Variants in KIAA1328 observed in about 807,000 individuals in gnomAD.
The protein encoded by KIAA1328 is KIAA1328, also known as protein hinderin.
A neutral mutation model predicts 68.1 loss-of-function variants in KIAA1328; 52 were observed. That is an observed-to-expected ratio of 0.76 (90% CI 0.61 to 0.96). The LOEUF is 0.96. Ranked by LOEUF, KIAA1328 falls within the 40% of genes least tolerant of loss-of-function variation. The pLI is 0.00. For synonymous variants in KIAA1328, 232 were observed against 239.4 expected, an observed-to-expected ratio of 0.97 and a Z score of 0.28; for missense variants, 641 against 677.6, an observed-to-expected ratio of 0.95 and a Z score of 0.60.
At chr18:36,916,409 G>T (rs368790342) in intron 5 of KIAA1328, among the ~76,000 whole-genome samples, 2 of 151,668 alleles carry the variant, frequency 1.3e-5, no homozygotes, top group African/African-American at 2.4e-5. Context: ...TGAATTTTTC[G>T]ATTTAAAAGT....
intron 6 of KIAA1328, among the ~76,000 whole-genome samples, chr18:36,987,510 A>AAT (rs142772845): frequency 2.5e-4 from 38 of 149,104 alleles, no homozygotes; most frequent in African/African-American, 8.4e-4. Context: ...AAATAAATAA[A>AAT]AATAAAAAAA....
intron 7 of KIAA1328, among the ~76,000 whole-genome samples, chr18:37,093,359 C>T (rs1031046426): frequency 6.6e-6 from 1 of 152,038 alleles, no homozygotes; most frequent in African/African-American, 2.4e-5. Flanking sequence ...TAAAGGTACT[C>T]AATGAGATAC....
At chr18:37,184,418 G>A (rs2059755932) in intron 9 of KIAA1328, among the ~76,000 whole-genome samples, 1 of 152,180 alleles carries the variant, frequency 6.6e-6, no homozygotes, top group Admixed American at 6.5e-5. Flanking sequence ...TATCAATGAG[G>A]ATATCAGATA....
intron 9 of KIAA1328, among the ~76,000 whole-genome samples, chr18:37,206,557 T>A (rs2060219531): frequency 6.6e-6 from 1 of 152,204 alleles, no homozygotes; most frequent in Admixed American, 6.5e-5. Context: ...AGGCATTTTG[T>A]AATAGAAGCG....
chr18:37,116,601 G>A (rs1262622051), intron 7 of KIAA1328, among the ~76,000 whole-genome samples: 1 of 152,190 alleles, frequency 6.6e-6, no homozygotes, highest in Non-Finnish European at 1.5e-5. Context: ...ATAGGCATGG[G>A]CAAGGACTTT....
intron 4 of KIAA1328, among the ~76,000 whole-genome samples, chr18:36,870,794 C>T (rs2047918123): frequency 6.6e-6 from 1 of 152,238 alleles, no homozygotes; most frequent in South Asian, 2.1e-4. Context: ...ATTTAGTTGT[C>T]ACATCCCCTT....
chr18:36,962,974 A>C (rs1222867414), intron 6 of KIAA1328, among the ~76,000 whole-genome samples: 1 of 152,242 alleles, frequency 6.6e-6, no homozygotes, highest in African/African-American at 2.4e-5. Context: ...AGATCAGAGT[A>C]GAACTGAAGG....
chr18:37,020,920 C>A, intron 6 of KIAA1328, among the ~76,000 whole-genome samples: 1 of 152,142 alleles, frequency 6.6e-6, no homozygotes, highest in East Asian at 1.9e-4. Context: ...CTTACCCCCA[C>A]AGAATAAAAA....
Position 37,223,873 on chromosome 18 carries a change from T to C in KIAA1328, c.*1646T>C. The stretch of plus-strand genomic sequence containing the variant: ...AAAAGAATGGAGCCCACTAATATTA[T>C]ATTTTTCTTCTGAAATAAATATAAA... On this transcript the variant is annotated 3_prime_UTR_variant, in exon 10 of 10. Coordinates refer to ENST00000280020, the MANE Select transcript of KIAA1328 (RefSeq NM_020776.3). 2.0e-6 allele frequency: 2 copies of C among 983,064 alleles called. No homozygotes were observed. The allele number at this position is 983,064 out of a possible 1,614,324, so 60.9% of individuals were successfully genotyped here.
At chr18:36,833,788 G>A (rs922702990) in intron 1 of KIAA1328, among the ~76,000 whole-genome samples, 2 of 152,196 alleles carry the variant, frequency 1.3e-5, no homozygotes, top group Non-Finnish European at 2.9e-5. Context: ...TTTTTAAATA[G>A]TAGGGCTTCT....
chr18:37,069,364 A>G (rs893030321), intron 7 of KIAA1328, among the ~76,000 whole-genome samples: 1 of 150,514 alleles, frequency 6.6e-6, no homozygotes, highest in Admixed American at 6.6e-5. Flanking sequence ...GGTTCAAGGG[A>G]TTCTCATGCC....
intron 7 of KIAA1328, among the ~76,000 whole-genome samples, chr18:37,103,455 G>A (rs538912489): frequency 4.6e-5 from 7 of 152,088 alleles, no homozygotes; most frequent in Non-Finnish European, 7.4e-5. Flanking sequence ...ATCCGTATGC[G>A]TATGAATGAA....
intron 6 of KIAA1328, among the ~76,000 whole-genome samples, chr18:37,038,337 G>C (rs2055111979): frequency 6.6e-6 from 1 of 152,004 alleles, no homozygotes; most frequent in South Asian, 2.1e-4. Context: ...CTCACTATCT[G>C]CCTAAATAAT....
intron 4 of KIAA1328, among the ~76,000 whole-genome samples, chr18:36,863,362 C>A (rs2047632208): frequency 6.6e-6 from 1 of 151,510 alleles, no homozygotes. Context: ...TGTCTAGGTT[C>A]TTTTTTCTGT....
At chr18:37,098,644 G>T (rs573109968) in intron 7 of KIAA1328, among the ~76,000 whole-genome samples, 163 of 152,304 alleles carry the variant, frequency 1.1e-3, no homozygotes, top group African/African-American at 3.8e-3. Flanking sequence ...GTTTCAGAAG[G>T]AATGGTACCA....
intron 6 of KIAA1328, among the ~76,000 whole-genome samples, chr18:37,024,201 T>A (rs1190004459): frequency 2.0e-5 from 3 of 151,914 alleles, no homozygotes; most frequent in African/African-American, 7.3e-5. Flanking sequence ...GCTATGTTGA[T>A]CGGGCTGGTC....
chr18:36,949,595 G>GCCCCC (rs1241515530), intron 5 of KIAA1328, among the ~76,000 whole-genome samples: 3 of 38,964 alleles, frequency 7.7e-5, no homozygotes, highest in Non-Finnish European at 1.5e-4. Flanking sequence ...TTTCTACCCA[G>GCCCCC]CTCCCCCCCC....
rs774444327 is a variant in KIAA1328 at position 37,000,156 on chromosome 18, C to T, written c.576+40721C>T. Among the ~76,000 whole-genome samples the T allele has an allele frequency of 1.3e-4, 19 of 151,936 alleles. No individual in the cohort carries two copies. In the East Asian group the frequency reaches 1.4e-3, roughly 11 times the overall value. ...CACAGGTAGCCTGAAAGTAAAGGGA[C>T]GAAAAAAGATGCTCCATACAAACAG... is the stretch of plus-strand genomic sequence containing the variant. On this transcript the variant is annotated intron_variant, in intron 6 of 9. Coordinates refer to ENST00000280020, the MANE Select transcript of KIAA1328 (RefSeq NM_020776.3).
rs532555451 is a variant in KIAA1328, at chr18:37,014,324, A to G, written c.577-52566A>G. ...CTTTTGATAATTATTTTTGCTCTGC[A>G]GACGTTCTTTAGTTTAATTGGATCC... On this transcript the variant is annotated intron_variant, in intron 6 of 9. Coordinates refer to ENST00000280020, the MANE Select transcript of KIAA1328 (RefSeq NM_020776.3). Among the ~76,000 whole-genome samples, 96 of 152,150 alleles carry G rather than the reference A, an allele frequency of 6.3e-4. 1 individual carries two copies. The highest frequency in any genetic ancestry group is 1.2e-3 in the Non-Finnish European group (79 of 68,024).
Sources: allele counts gnomAD v4.1 joint callset (sites outside exome capture counted in the v4.1 genomes callset), GRCh38; gene constraint gnomAD v4.1.1; transcripts MANE v1.5; gene names NCBI Gene and HGNC (gene_info 2026-07-23, HGNC 2026-07-21).